Variants in EFHC1 observed in about 807,000 individuals in gnomAD.
EFHC1 encodes the protein EF-hand domain containing 1.
EFHC1 carries 53 observed loss-of-function variants against 69.9 expected under a neutral mutation model. That is an observed-to-expected ratio of 0.76 (90% confidence interval 0.61 to 0.95). The LOEUF is 0.95. Ranked by LOEUF, EFHC1 falls within the 40% of genes least tolerant of loss-of-function variation. EFHC1 has a pLI of 0.00. For synonymous variants in EFHC1, 256 were observed against 278.4 expected (o/e 0.92, Z 0.80); for missense variants, 739 against 798.7 (o/e 0.93, Z 0.90).
At position 52,493,442 on chromosome 6, in the gene EFHC1, A is replaced by C; in HGVS notation, c.*1101A>C. 2.6e-6 allele frequency: 1 copy of C among 388,456 alleles called. No individual in the cohort carries two copies. The highest frequency in any genetic ancestry group is 7.3e-5 in the East Asian group (1 of 13,714). 24.1% of individuals were successfully genotyped at this position (388,456 alleles called of 1,614,324 possible). A position where few individuals can be genotyped will look rare whatever the true frequency, so the allele number is the denominator to read the frequency against. On this transcript the variant is annotated 3_prime_UTR_variant, in exon 11 of 11. Coordinates refer to ENST00000371068, the MANE Select transcript of EFHC1 (RefSeq NM_018100.4). ...TTATATGTATACATATAGTATGTAT[A>C]TGTGTATATATATTATGTATATACA...
In EFHC1 at chr6:52,494,825, C is replaced by G; in HGVS notation, c.*2484C>G. On this transcript the variant is annotated 3_prime_UTR_variant, in exon 11 of 11. Coordinates refer to ENST00000371068, the MANE Select transcript of EFHC1 (RefSeq NM_018100.4). ...GGTTTCCTATTCCTGCATCAATTCA[C>G]TTTAGGATAATGGCCTCCAGCTGCA... 1 of 452,830 alleles carries G rather than the reference C, an allele frequency of 2.2e-6. No individual in the cohort carries two copies. Among genetic ancestry groups the G allele is most frequent in the Middle Eastern group, 6.9e-4 (1 of 1,444 alleles). 28.1% of individuals were successfully genotyped at this position (452,830 alleles called of 1,614,324 possible).
At chr6:52,441,921 G>C (rs1764673987) in intron 3 of EFHC1, among the ~76,000 whole-genome samples, 1 of 152,070 alleles carries the variant, frequency 6.6e-6, no homozygotes, top group African/African-American at 2.4e-5. Flanking sequence ...TGGTGTATAG[G>C]AGTGCTAGTG....
chr6:52,441,638 G>C (rs1221044491), intron 3 of EFHC1, among the ~76,000 whole-genome samples: 2 of 151,974 alleles, frequency 1.3e-5, no homozygotes, highest in Non-Finnish European at 2.9e-5. Flanking sequence ...TCTGTGAAGA[G>C]TGTCACTGGC....
intron 5 of EFHC1, among the ~76,000 whole-genome samples, chr6:52,460,392 G>A (rs983566733): frequency 4.6e-5 from 7 of 152,246 alleles, no homozygotes; most frequent in African/African-American, 1.7e-4. Context: ...GATTATAAAA[G>A]GTCATGAGGA....
intron 2 of EFHC1, among the ~76,000 whole-genome samples, chr6:52,425,173 G>A (rs915249667): frequency 2.0e-5 from 3 of 152,100 alleles, no homozygotes; most frequent in African/African-American, 7.2e-5. Flanking sequence ...CATTTATAGG[G>A]ACACATTCAC....
chr6:52,469,183 A>G, intron 6 of EFHC1, 150 bp from the exon 7 acceptor site: 1 of 968,502 alleles, frequency 1.0e-6, no homozygotes, highest in Non-Finnish European at 1.5e-6. Flanking sequence ...GATAAGTGAT[A>G]TGTTATATTT....
intron 4 of EFHC1, 76 bp downstream of exon 4, chr6:52,452,913 A>T: frequency 6.2e-7 from 1 of 1,608,650 alleles, no homozygotes; most frequent in South Asian, 1.1e-5. Flanking sequence ...AGGTTTGGGT[A>T]GCTGTATTGG....
At chr6:52,458,711 T>G (rs895192790) in intron 5 of EFHC1, among the ~76,000 whole-genome samples, 21 of 152,234 alleles carry the variant, frequency 1.4e-4, no homozygotes, top group African/African-American at 5.1e-4. Flanking sequence ...GAAAACAGTT[T>G]GGAGATTTCT....
rs1371679456 is a variant in EFHC1, at chr6:52,492,493, G to C, written c.*152G>C. ...CTCCTACTGAAGTCGAAACTAAATT[G>C]GATCTAATAGGATCTAAGATTGGTG... On this transcript the variant is annotated 3_prime_UTR_variant, in exon 11 of 11. Transcript: ENST00000371068. The C allele has an allele frequency of 4.0e-6, 3 of 750,570 alleles. No individual in the cohort carries two copies. Among genetic ancestry groups the C allele is most frequent in the Non-Finnish European group, 7.0e-6 (3 of 431,060 alleles). 46.5% of individuals were successfully genotyped at this position (750,570 alleles called of 1,614,324 possible).
Position 52,479,577 on chromosome 6 carries a change from A to G in EFHC1, c.1493-63A>G, listed in dbSNP as rs1325255553. 1.9e-5 allele frequency: 31 copies of G among 1,608,638 alleles called. No individual in the cohort carries two copies. The East Asian group carries it at 6.2e-4, about 32-fold the overall frequency. On this transcript the variant is annotated intron_variant, in intron 8 of 10. Coordinates refer to ENST00000371068, the MANE Select transcript of EFHC1 (RefSeq NM_018100.4). ...AATTTATCATTGGAGGGTTAATACT[A>G]TTTTACTCCTGATTGCGTGAGAGAA...
Position 52,438,573 on chromosome 6 carries a change from CTG to C in EFHC1, c.558_559del (p.Cys186Ter), listed in dbSNP as rs1562447137. ...ATGGCAAAACTTTCCGCGTTGTTGA[CTG>C]TGACCAATTCACACAGGTATAGCAT... Reference protein sequence around the residue: ...IYGKTFRVVDCDQFTQVFLES... With the variant: ...IYGKTFRVVDXDQFTQVFLES... On this transcript the variant is annotated frameshift_variant, in exon 3 of 11. Coordinates refer to ENST00000371068, the MANE Select transcript of EFHC1 (RefSeq NM_018100.4). LOFTEE classifies it high-confidence loss of function. 2 of 1,613,992 alleles carry C rather than the reference CTG, an allele frequency of 1.2e-6. No homozygotes were observed. The highest frequency in any genetic ancestry group is 1.7e-6 in the Non-Finnish European group (2 of 1,179,914).
At chr6:52,480,517 G>A (rs1374768237) in intron 9 of EFHC1, among the ~76,000 whole-genome samples, 1 of 152,238 alleles carries the variant, frequency 6.6e-6, no homozygotes, top group African/African-American at 2.4e-5. Flanking sequence ...CCAAGCAGCA[G>A]GAGATAGACA....
At chr6:52,456,820 C>T (rs1765054847) in intron 5 of EFHC1, among the ~76,000 whole-genome samples, 1 of 152,128 alleles carries the variant, frequency 6.6e-6, no homozygotes, top group African/African-American at 2.4e-5. Flanking sequence ...GAGGCTGAGG[C>T]AGGAGAATTG....
In EFHC1 at chr6:52,493,473, G is replaced by A. The variant is rs899848420; in HGVS notation, c.*1132G>A. 2 of 395,292 alleles carry A rather than the reference G, an allele frequency of 5.1e-6. No individual in the cohort carries two copies. Among genetic ancestry groups the A allele is most frequent in the African/African-American group, 2.2e-5 (1 of 45,838 alleles). The allele number at this position is 395,292 out of a possible 1,614,324, so 24.5% of individuals were successfully genotyped here. On this transcript the variant is annotated 3_prime_UTR_variant, in exon 11 of 11. Coordinates refer to ENST00000371068, the MANE Select transcript of EFHC1 (RefSeq NM_018100.4). ...ATATATATTATGTATATACATATAT[G>A]TGCACACATCTCTACTAAAAATAGA...
intron 7 of EFHC1, among the ~76,000 whole-genome samples, chr6:52,471,896 A>C (rs566070270): frequency 1.3e-5 from 2 of 151,362 alleles, no homozygotes; most frequent in South Asian, 4.1e-4. Context: ...TAAATAACTA[A>C]ATAATAAAAT....
At chr6:52,475,784 A>C (rs1248679797) in intron 7 of EFHC1, among the ~76,000 whole-genome samples, 6 of 152,248 alleles carry the variant, frequency 3.9e-5, no homozygotes, top group Non-Finnish European at 7.3e-5. Context: ...TAGATACCAA[A>C]GGTACAGTGG....
intron 10 of EFHC1, among the ~76,000 whole-genome samples, chr6:52,491,232 C>T (rs933070878): frequency 1.3e-5 from 2 of 152,154 alleles, no homozygotes; most frequent in African/African-American, 4.8e-5. Context: ...TGACAGCATG[C>T]CCAACTTTTG....
chr6:52,482,764 T>C (rs1190046199), intron 9 of EFHC1: 5 of 398,472 alleles, frequency 1.3e-5, no homozygotes, highest in Non-Finnish European at 2.2e-5. Context: ...TACAAACACT[T>C]TTCTCATTTA....
intron 7 of EFHC1, among the ~76,000 whole-genome samples, chr6:52,477,051 AT>A (rs34540367): frequency 1.3e-5 from 2 of 152,012 alleles, no homozygotes; most frequent in African/African-American, 2.4e-5. Flanking sequence ...AAAGACAATA[AT>A]TTTTTTAAAG....
Sources: allele counts gnomAD v4.1 joint callset (sites outside exome capture counted in the v4.1 genomes callset), GRCh38; gene constraint gnomAD v4.1.1; transcripts MANE v1.5; gene names NCBI Gene and HGNC (gene_info 2026-07-23, HGNC 2026-07-21).